SLC35F1: variants seen among roughly 807,000 people sequenced by gnomAD.
SLC35F1 encodes the protein chromosome 6 open reading frame 169.
SLC35F1 carries 14 observed loss-of-function variants against 48.7 expected under a neutral mutation model. That is an observed-to-expected ratio of 0.29 (90% CI 0.19 to 0.45). The LOEUF (loss-of-function observed/expected upper bound fraction) is 0.45, where lower values mean the gene tolerates loss of function less well. Among genes scored for constraint, SLC35F1 ranks in the 20% least tolerant of loss-of-function variants. The pLI is 1.00. For missense variants in SLC35F1, 404 were observed against 500.0 expected, an observed-to-expected ratio of 0.81 and a Z score of 1.83; for synonymous variants, 190 against 202.2, an observed-to-expected ratio of 0.94 and a Z score of 0.51.
At position 118,272,776 on chromosome 6, in the gene SLC35F1, T is replaced by TAG. The variant is rs1448010655; in HGVS notation, c.638-2682_638-2681insGA. Among the ~76,000 whole-genome samples the TAG allele has an allele frequency of 4.8e-5, 7 of 147,254 alleles. 2 individuals carry two copies. Among genetic ancestry groups the TAG allele is most frequent in the African/African-American group, 1.7e-4 (7 of 40,326 alleles). ...ATATATATATATATGTATATATATA[T>TAG]ACCATTTTTTAGCATAGAAATTTAG... On this transcript the variant is annotated intron_variant, in intron 4 of 7. Coordinates refer to ENST00000360388, the MANE Select transcript of SLC35F1 (RefSeq NM_001029858.4).
intron 1 of SLC35F1, among the ~76,000 whole-genome samples, chr6:118,149,973 C>T (rs1429450812): frequency 6.6e-6 from 1 of 152,132 alleles, no homozygotes; most frequent in Non-Finnish European, 1.5e-5. Context: ...TCAGGACACA[C>T]AGTATATTTT....
chr6:118,311,787 G>C (rs1317592750), intron 7 of SLC35F1, among the ~76,000 whole-genome samples: 1 of 151,812 alleles, frequency 6.6e-6, no homozygotes, highest in Non-Finnish European at 1.5e-5. Context: ...GTGAAACCCT[G>C]TCTCAAGAAA....
chr6:117,918,843 G>A (rs1215501371), intron 1 of SLC35F1, among the ~76,000 whole-genome samples: 1 of 152,026 alleles, frequency 6.6e-6, no homozygotes, highest in Non-Finnish European at 1.5e-5. Flanking sequence ...GGTCCTGATT[G>A]TACTGGGGAG....
At chr6:117,987,980 G>A (rs1582602404) in intron 1 of SLC35F1, among the ~76,000 whole-genome samples, 1 of 152,086 alleles carries the variant, frequency 6.6e-6, no homozygotes. Flanking sequence ...CAACAGCGGT[G>A]GGCCATTCAT....
chr6:118,256,911 T>C (rs1775653420), intron 3 of SLC35F1, among the ~76,000 whole-genome samples: 1 of 152,174 alleles, frequency 6.6e-6, no homozygotes, highest in African/African-American at 2.4e-5. Flanking sequence ...AGTTATCCCA[T>C]TCAAAGATAA....
At chr6:118,169,169 G>A (rs1582708211) in intron 2 of SLC35F1, among the ~76,000 whole-genome samples, 2 of 152,274 alleles carry the variant, frequency 1.3e-5, no homozygotes, top group South Asian at 4.1e-4. Flanking sequence ...GTCCTAATGT[G>A]TTTTCAGAAA....
At chr6:118,297,475 A>C (rs4294041) in intron 7 of SLC35F1, among the ~76,000 whole-genome samples, 2 of 151,486 alleles carry the variant, frequency 1.3e-5, no homozygotes, top group African/African-American at 4.9e-5. Flanking sequence ...GTCTTGATTC[A>C]CTGCGGAAGT....
At chr6:118,222,904 A>G (rs1775169296) in intron 2 of SLC35F1, among the ~76,000 whole-genome samples, 1 of 152,156 alleles carries the variant, frequency 6.6e-6, no homozygotes, top group Admixed American at 6.5e-5. Flanking sequence ...TAACTTGTAT[A>G]TTACATTTCC....
chr6:117,914,187 T>G (rs111769051), intron 1 of SLC35F1, among the ~76,000 whole-genome samples: 85 of 151,898 alleles, frequency 5.6e-4, no homozygotes, highest in South Asian at 8.3e-4. Context: ...TGTATATATA[T>G]AGAGAGAGTT....
intron 1 of SLC35F1, among the ~76,000 whole-genome samples, chr6:118,055,898 CA>C (rs1772456628): frequency 6.6e-6 from 1 of 152,172 alleles, no homozygotes; most frequent in Non-Finnish European, 1.5e-5. Context: ...GCTAGGAGGG[CA>C]AAGAAGCATT....
Position 117,907,585 on chromosome 6 carries a change from C to T in SLC35F1, c.-142C>T. On this transcript the variant is annotated 5_prime_UTR_variant, in exon 1 of 8. Transcript: ENST00000360388. The stretch of plus-strand genomic sequence containing the variant: ...CGGCGGCCGTAGCCGCGGGTGCCTC[C>T]CCGCCTCACCGCTTCGCAGGCAGCA... The T allele has an allele frequency of 1.4e-5, 6 of 443,466 alleles. No homozygotes were observed. The highest frequency in any genetic ancestry group is 5.3e-5 in the South Asian group (1 of 18,868). The allele number at this position is 443,466 out of a possible 1,614,324, so 27.5% of individuals were successfully genotyped here. A position where few individuals can be genotyped will look rare whatever the true frequency, so the allele number is the denominator to read the frequency against.
rs781117303 is a variant in SLC35F1, at chr6:118,262,497, G to A, written c.478-4498G>A. On this transcript the variant is annotated intron_variant, in intron 3 of 7. Transcript: ENST00000360388. ...ATTTTAGTGCTACTTAATGTTGACT[G>A]TCTTCTGTTGTCTTAAAAGTAATGT... 1.5e-4 allele frequency among the ~76,000 whole-genome samples: 23 copies of A among 152,284 alleles called. 1 individual carries two copies. The highest frequency in any genetic ancestry group is 6.2e-4 in the South Asian group (3 of 4,822).
chr6:118,312,249 T>A (rs1237649312), intron 7 of SLC35F1, among the ~76,000 whole-genome samples: 1 of 152,174 alleles, frequency 6.6e-6, no homozygotes, highest in Non-Finnish European at 1.5e-5. Flanking sequence ...AAGTAATTAA[T>A]AAAATATTTG....
intron 1 of SLC35F1, among the ~76,000 whole-genome samples, chr6:117,995,997 A>T (rs1392615329): frequency 6.6e-6 from 1 of 152,226 alleles, no homozygotes; most frequent in African/African-American, 2.4e-5. Context: ...AGATTCATTA[A>T]TGCCATTTCC....
At chr6:118,247,962 T>C (rs1252130779) in intron 3 of SLC35F1, among the ~76,000 whole-genome samples, 3 of 152,254 alleles carry the variant, frequency 2.0e-5, no homozygotes, top group Admixed American at 6.5e-5. Context: ...ATTTTGGTTC[T>C]TTCCAAATAG....
chr6:118,112,806 A>G (rs1049776753), intron 1 of SLC35F1, among the ~76,000 whole-genome samples: 2 of 152,200 alleles, frequency 1.3e-5, no homozygotes, highest in African/African-American at 4.8e-5. Flanking sequence ...GAAGACAACC[A>G]AAAAACAACC....
chr6:118,287,300 C>T (rs1562351556), intron 7 of SLC35F1, among the ~76,000 whole-genome samples: 1 of 152,196 alleles, frequency 6.6e-6, no homozygotes, highest in East Asian at 1.9e-4. Flanking sequence ...CTTCTCTCCT[C>T]TTCAGTTAAG....
intron 1 of SLC35F1, among the ~76,000 whole-genome samples, chr6:118,016,409 C>T (rs1777322940): frequency 6.6e-6 from 1 of 152,102 alleles, no homozygotes; most frequent in Admixed American, 6.5e-5. Context: ...TTGTTTCCCA[C>T]AAAAATGCTA....
At position 118,293,508 on chromosome 6, in the gene SLC35F1, A is replaced by G. The variant is rs114025299; in HGVS notation, c.1002+8170A>G. 9.9e-3 allele frequency among the ~76,000 whole-genome samples: 1,505 copies of G among 152,284 alleles called. 25 individuals carry two copies. Among genetic ancestry groups the G allele is most frequent in the African/African-American group, 0.034 (1,423 of 41,556 alleles). ...GGATAATATCCTCACCTCAAAATCC[A>G]CATCTGCTAAGTCCCTCTTACCTCA... On this transcript the variant is annotated intron_variant, in intron 7 of 7. Coordinates refer to ENST00000360388, the MANE Select transcript of SLC35F1 (RefSeq NM_001029858.4).
Sources: allele counts gnomAD v4.1 joint callset (sites outside exome capture counted in the v4.1 genomes callset), GRCh38; gene constraint gnomAD v4.1.1; transcripts MANE v1.5; gene names NCBI Gene and HGNC (gene_info 2026-07-23, HGNC 2026-07-21).